The following DLGAP1 variants were observed in gnomAD, a reference collection of about 807,000 sequenced individuals.
DLGAP1 encodes DLG associated protein 1, also known as disks large-associated protein 1.
In DLGAP1, 11 loss-of-function variants were observed where a neutral mutation model predicts 90.8. That is an observed-to-expected ratio of 0.12 (90% CI 0.08 to 0.20). DLGAP1 has a LOEUF of 0.20. Ranked by LOEUF, DLGAP1 falls within the 10% of genes least tolerant of loss-of-function variation. The pLI is 1.00. For synonymous variants in DLGAP1, 558 were observed against 540.7 expected (o/e 1.03, Z -0.44); for missense variants, 1,050 against 1,333.8 (o/e 0.79, Z 3.31).
At chr18:4,131,501 C>G (rs8087631) in intron 2 of DLGAP1, among the ~76,000 whole-genome samples, 24,048 of 152,172 alleles carry the variant, frequency 0.16, 2,074 homozygotes, top group Middle Eastern at 0.24. Context: ...ACAAAAGCAG[C>G]CACAGACAAT....
chr18:3,564,641 T>G (rs144115732), intron 9 of DLGAP1, among the ~76,000 whole-genome samples: 2,153 of 152,242 alleles, frequency 0.014, 25 homozygotes, highest in Middle Eastern at 0.024. Context: ...CACAAAAGTG[T>G]GAGCTCTCCC....
At chr18:4,284,897 T>C (rs1463571529) in intron 1 of DLGAP1, among the ~76,000 whole-genome samples, 2 of 152,222 alleles carry the variant, frequency 1.3e-5, no homozygotes, top group South Asian at 2.1e-4. Context: ...CTATCTGATG[T>C]ACAATGCTGA....
chr18:3,620,243 G>A (rs193186209), intron 7 of DLGAP1, among the ~76,000 whole-genome samples: 70 of 152,200 alleles, frequency 4.6e-4, no homozygotes, highest in African/African-American at 1.5e-3. Flanking sequence ...GTGTGTGTGC[G>A]AGAGAGGAGC....
chr18:3,958,006 G>T (rs2073116784), intron 3 of DLGAP1, among the ~76,000 whole-genome samples: 1 of 151,254 alleles, frequency 6.6e-6, no homozygotes, highest in Admixed American at 6.6e-5. Context: ...AAATTCTCAT[G>T]CCTCAGCCTC....
chr18:3,569,434 T>C (rs953736960), intron 8 of DLGAP1, among the ~76,000 whole-genome samples: 9 of 152,024 alleles, frequency 5.9e-5, no homozygotes, highest in African/African-American at 1.9e-4. Context: ...ACCTAAACTC[T>C]TTCTCTGTTA....
chr18:4,022,606 T>G (rs1211176349), intron 2 of DLGAP1, among the ~76,000 whole-genome samples: 2 of 152,216 alleles, frequency 1.3e-5, no homozygotes, highest in African/African-American at 4.8e-5. Flanking sequence ...TGCCATGCTA[T>G]TCATACATTG....
At chr18:3,971,806 T>C (rs2073456125) in intron 3 of DLGAP1, among the ~76,000 whole-genome samples, 1 of 152,232 alleles carries the variant, frequency 6.6e-6, no homozygotes, top group Non-Finnish European at 1.5e-5. Context: ...TGGCAAATTC[T>C]TAAGTATCTT....
intron 3 of DLGAP1, among the ~76,000 whole-genome samples, chr18:3,970,258 C>T (rs140714686): frequency 6.6e-6 from 1 of 152,222 alleles, no homozygotes; most frequent in East Asian, 1.9e-4. Flanking sequence ...TTTTAAATCT[C>T]ATAGAGAATA....
intron 3 of DLGAP1, among the ~76,000 whole-genome samples, chr18:3,947,756 G>A (rs923665878): frequency 3.3e-5 from 5 of 152,228 alleles, no homozygotes; most frequent in African/African-American, 9.6e-5. Flanking sequence ...TAATCTTACC[G>A]GTTGGAGAAT....
In DLGAP1 at chr18:3,870,866, A is replaced by G. The variant is rs139052842; in HGVS notation, c.957+8246T>C. ...ATCCTCCTTTGCTACGTGGTTTACC[A>G]TGATCCAGGGAAAACTCATCCATTA... is the stretch of plus-strand genomic sequence containing the variant. On this transcript the variant is annotated intron_variant, in intron 4 of 12. Transcript: ENST00000315677. Among the ~76,000 whole-genome samples the G allele has an allele frequency of 2.3e-3, 349 of 152,312 alleles. 4 individuals carry two copies. Among genetic ancestry groups the G allele is most frequent in the Non-Finnish European group, 7.9e-4 (54 of 68,024 alleles).
At chr18:4,055,369 T>C (rs1415639747) in intron 2 of DLGAP1, among the ~76,000 whole-genome samples, 2 of 152,208 alleles carry the variant, frequency 1.3e-5, no homozygotes, top group African/African-American at 4.8e-5. Context: ...GGTGTACAGA[T>C]TATTTCATCA....
chr18:3,561,266 CA>C (rs71159092), intron 9 of DLGAP1, among the ~76,000 whole-genome samples: 1,680 of 110,438 alleles, frequency 0.015, 99 homozygotes, highest in African/African-American at 0.051. Context: ...AAAAAAAAAA[CA>C]AAAAAAAAAA....
rs565695462 is a variant in DLGAP1 at position 4,349,712 on chromosome 18, TAAA to T, written c.-267+105291_-267+105293del. Among the ~76,000 whole-genome samples the T allele has an allele frequency of 6.1e-4, 93 of 151,958 alleles. 1 individual carries two copies. The highest frequency in any genetic ancestry group is 2.1e-3 in the African/African-American group (89 of 41,438). On this transcript the variant is annotated intron_variant, in intron 1 of 12. Transcript: ENST00000315677. ...GTGTGTCATTCCATTTATACGAAAT[TAAA>T]AAAACCGATAACATGAATTGGTAGT...
At chr18:3,551,106 C>T (rs1443131354) in intron 9 of DLGAP1, among the ~76,000 whole-genome samples, 1 of 151,458 alleles carries the variant, frequency 6.6e-6, no homozygotes, top group African/African-American at 2.4e-5. Context: ...TTGTTTAGGA[C>T]ATCAGTTTGT....
chr18:3,598,807 T>C (rs1236023444), intron 7 of DLGAP1, among the ~76,000 whole-genome samples: 1 of 146,550 alleles, frequency 6.8e-6, no homozygotes, highest in Non-Finnish European at 1.5e-5. Flanking sequence ...AGACTGTATT[T>C]ATTTATTTGA....
chr18:3,559,029 G>T (rs1341522349), intron 9 of DLGAP1, among the ~76,000 whole-genome samples: 2 of 152,256 alleles, frequency 1.3e-5, no homozygotes, highest in East Asian at 3.9e-4. Flanking sequence ...ATAGCATTCT[G>T]GTCTTAGCAG....
chr18:4,186,242 T>C (rs2077293874), intron 1 of DLGAP1, among the ~76,000 whole-genome samples: 1 of 152,160 alleles, frequency 6.6e-6, no homozygotes, highest in Admixed American at 6.6e-5. Flanking sequence ...GTTTACTCTT[T>C]TGACAGTTTC....
At chr18:4,411,724 C>G (rs57704492) in intron 1 of DLGAP1, among the ~76,000 whole-genome samples, 48,152 of 152,080 alleles carry the variant, frequency 0.32, 8,177 homozygotes, top group Admixed American at 0.37. Flanking sequence ...GCATTGGATT[C>G]TGGCCATAGG....
chr18:3,861,621 G>A (rs1045040596), intron 4 of DLGAP1, among the ~76,000 whole-genome samples: 1 of 152,130 alleles, frequency 6.6e-6, no homozygotes, highest in South Asian at 2.1e-4. Context: ...GCCCTTCTGC[G>A]CTTGACTTTC....
Sources: gnomAD v4.1 joint callset for allele counts (sites outside exome capture counted in the v4.1 genomes callset) on GRCh38, gnomAD v4.1.1 for gene constraint, MANE v1.5 for transcripts, NCBI Gene and HGNC (gene_info 2026-07-23, HGNC 2026-07-21) for gene names.